The following SCYL2 variants were observed in gnomAD, a reference collection of about 807,000 sequenced individuals.
SCYL2 encodes the protein SCY1-like protein 2.
In SCYL2, 36 loss-of-function variants were observed where a neutral mutation model predicts 100.4. The ratio of observed to expected loss-of-function variants is 0.36; its 90% CI spans 0.27 to 0.47. The LOEUF (loss-of-function observed/expected upper bound fraction) is 0.47. Among genes scored for constraint, SCYL2 ranks in the 20% least tolerant of loss-of-function variants. SCYL2 has a pLI of 1.00. For missense variants in SCYL2, 902 were observed against 1,083.9 expected, an observed-to-expected ratio of 0.83 and a Z score of 2.36; for synonymous variants, 330 against 359.2, an observed-to-expected ratio of 0.92 and a Z score of 0.92.
intron 4 of SCYL2, among the ~76,000 whole-genome samples, chr12:100,300,930 T>A (rs1020510434): frequency 2.0e-5 from 3 of 152,246 alleles, no homozygotes; most frequent in South Asian, 4.1e-4. Flanking sequence ...AAATCTTGGT[T>A]ATTGTGAATA....
intron 1 of SCYL2, among the ~76,000 whole-genome samples, chr12:100,280,644 A>G (rs2096297015): frequency 6.6e-6 from 1 of 152,218 alleles, no homozygotes. Context: ...TACAGGTTGA[A>G]TATCCCTAAT....
intron 7 of SCYL2, 127 bp from the exon 8 acceptor site, chr12:100,314,362 T>G: frequency 1.6e-6 from 1 of 627,368 alleles, no homozygotes; most frequent in Non-Finnish European, 2.7e-6. Flanking sequence ...TTAGAATTTC[T>G]AAGGTGATCT....
intron 12 of SCYL2, among the ~76,000 whole-genome samples, chr12:100,328,842 G>A (rs1199055313): frequency 6.6e-6 from 1 of 152,186 alleles, no homozygotes; most frequent in Non-Finnish European, 1.5e-5. Context: ...GATGCCTTGA[G>A]TATGATTTCT....
chr12:100,282,319 CTTTTT>C (rs1180915936), intron 1 of SCYL2, among the ~76,000 whole-genome samples: 1 of 85,598 alleles, frequency 1.2e-5, no homozygotes, highest in Non-Finnish European at 2.3e-5. Flanking sequence ...CACTTTTAGT[CTTTTT>C]TTTTTTTTTT....
intron 13 of SCYL2, 119 bp from the exon 14 acceptor site, chr12:100,334,047 G>C: frequency 4.9e-6 from 3 of 615,946 alleles, no homozygotes; most frequent in Middle Eastern, 3.7e-4. Context: ...GCTGTGACTG[G>C]ATCCTATTCT....
intron 4 of SCYL2, among the ~76,000 whole-genome samples, chr12:100,303,189 A>G (rs2096329875): frequency 6.6e-6 from 1 of 152,104 alleles, no homozygotes; most frequent in South Asian, 2.1e-4. Context: ...ATTGGGTTAG[A>G]ACATGCTCCT....
rs905435528 is a variant in SCYL2 at position 100,273,844 on chromosome 12, G to A, written c.-29+6052G>A. On this transcript the variant is annotated intron_variant, in intron 1 of 17. Transcript: ENST00000360820. ...TGGAGGACTGAGTCTGCTATTGGAC[G>A]GAGTCCCTAAAAAGAAGAACCTCTG... Among the ~76,000 whole-genome samples, 8 of 152,280 alleles carry A rather than the reference G, an allele frequency of 5.3e-5. No individual in the cohort carries two copies. The South Asian group carries it at 1.2e-3, about 24-fold the overall frequency.
rs150024522 is a variant in SCYL2, at chr12:100,276,546, C to T, written c.-28-6397C>T. ...AGAAACAGGGTCTCCTTATGTTGCT[C>T]GGGCTGGTCTTGAACTCCTGGGCTC... On this transcript the variant is annotated intron_variant, in intron 1 of 17. Transcript: ENST00000360820. Among the ~76,000 whole-genome samples the T allele has an allele frequency of 8.6e-3, 1,316 of 152,168 alleles. 16 individuals carry two copies. The highest frequency in any genetic ancestry group is 0.028 in the African/African-American group (1,175 of 41,512).
intron 1 of SCYL2, among the ~76,000 whole-genome samples, chr12:100,282,550 T>G (rs566278457): frequency 1.1e-4 from 17 of 152,160 alleles, no homozygotes; most frequent in South Asian, 6.2e-4. Flanking sequence ...GTCTCAAACT[T>G]CTGACCTCAG....
In SCYL2 at chr12:100,312,284, C is replaced by CAACTTTTTTACAA. The variant is rs1421209486; in HGVS notation, c.631-147_631-146insACTTTTTTACAAA. The CAACTTTTTTACAA allele has an allele frequency of 1.1e-4, 72 of 667,338 alleles. No individual in the cohort carries two copies. The Admixed American group carries it at 1.3e-3, about 12-fold the overall frequency. 41.3% of individuals were successfully genotyped at this position (667,338 alleles called of 1,614,324 possible). ...TCATTTTGTTGCATGGACTTTTTTA[C>CAACTTTTTTACAA]ATTTGGGAATTTGGGAATTTTGGGA... On this transcript the variant is annotated intron_variant, in intron 5 of 17. Transcript: ENST00000360820.
chr12:100,282,319 C>CTTTTTT (rs1180915936), intron 1 of SCYL2, among the ~76,000 whole-genome samples: 9 of 85,610 alleles, frequency 1.1e-4, no homozygotes, highest in African/African-American at 1.4e-4. Context: ...CACTTTTAGT[C>CTTTTTT]TTTTTTTTTT....
intron 1 of SCYL2, among the ~76,000 whole-genome samples, chr12:100,275,611 A>C (rs1002080363): frequency 1.3e-5 from 2 of 152,112 alleles, no homozygotes; most frequent in African/African-American, 4.8e-5. Context: ...CTGTGTATGC[A>C]GTTGTGTCAT....
chr12:100,324,072 G>A (rs551947991), intron 11 of SCYL2, among the ~76,000 whole-genome samples: 1 of 152,142 alleles, frequency 6.6e-6, no homozygotes, highest in Admixed American at 6.5e-5. Flanking sequence ...TCTTAAAAAA[G>A]TAGAGTACAA....
At chr12:100,318,031 T>A in intron 10 of SCYL2, 106 bp downstream of exon 10, 2 of 955,060 alleles carry the variant, frequency 2.1e-6, no homozygotes, top group Non-Finnish European at 3.0e-6. Context: ...CATAACTCAA[T>A]AGTAAATATA....
chr12:100,267,198 C>G lies in SCYL2; in HGVS notation c.-623C>G. The G allele has an allele frequency of 9.3e-7, 1 of 1,077,054 alleles. No homozygotes were observed. Among genetic ancestry groups the G allele is most frequent in the South Asian group, 1.6e-5 (1 of 63,416 alleles). The allele number at this position is 1,077,054 out of a possible 1,614,324, so 66.7% of individuals were successfully genotyped here. Reference sequence around the variant, plus strand: ...TTTTAGTCTTTTTCCCCCTCCCTTACTCTTCGTCCCCGGTCCCTCCCCTCC... The same window carrying G: ...TTTTAGTCTTTTTCCCCCTCCCTTAGTCTTCGTCCCCGGTCCCTCCCCTCC... On this transcript the variant is annotated 5_prime_UTR_variant, in exon 1 of 18. Coordinates refer to ENST00000360820, the MANE Select transcript of SCYL2 (RefSeq NM_017988.6).
Position 100,337,925 on chromosome 12 carries a change from T to G in SCYL2, c.2145+419T>G, listed in dbSNP as rs376374405. ...TGTACCTACATGACCTGGCTAGTAT[T>G]TGTTTTCTCCTGTGTTCCAGGCACT... is the stretch of plus-strand genomic sequence containing the variant. On this transcript the variant is annotated intron_variant, in intron 17 of 17. Transcript: ENST00000360820. 6.5e-4 allele frequency among the ~76,000 whole-genome samples: 99 copies of G among 152,348 alleles called. 1 individual carries two copies. The East Asian group carries it at 0.012, about 18-fold the overall frequency.
intron 3 of SCYL2, 106 bp downstream of exon 3, chr12:100,291,766 C>A: frequency 9.1e-7 from 1 of 1,097,786 alleles, no homozygotes; most frequent in Non-Finnish European, 1.3e-6. Flanking sequence ...AATTCTTATA[C>A]TCTAAGTGTT....
At chr12:100,323,827 A>G (rs1437580967) in intron 11 of SCYL2, 189 bp downstream of exon 11, 1 of 375,778 alleles carries the variant, frequency 2.7e-6, no homozygotes, top group East Asian at 4.5e-5. Flanking sequence ...TTGCATTCCT[A>G]ACCTTACTTG....
chr12:100,312,568 T>G lies in SCYL2; in HGVS notation c.767T>G (p.Met256Arg). The G allele has an allele frequency of 6.2e-7, 1 of 1,612,906 alleles. No homozygotes were observed. The highest frequency in any genetic ancestry group is 8.5e-7 in the Non-Finnish European group (1 of 1,179,018). Residue 256 changes from methionine to arginine, a missense_variant, in exon 6 of 18, where the codon ATG becomes AGG. By Grantham distance (91) the Met-to-Arg change is moderately conservative. Transcript: ENST00000360820. The part of the protein sequence containing the change: ...ASDMYSLGTV[M>R]YAVFNKGKPI... ...GATATGTATTCTTTAGGAACTGTTA[T>G]GTATGCTGTATTTAATAAAGGGAAA...
Sources: allele counts gnomAD v4.1 joint callset (sites outside exome capture counted in the v4.1 genomes callset), GRCh38; gene constraint gnomAD v4.1.1; transcripts MANE v1.5; gene names NCBI Gene and HGNC (gene_info 2026-07-23, HGNC 2026-07-21).